Variants in ZNF565 observed in about 807,000 individuals in gnomAD.
The protein encoded by ZNF565 is zinc finger protein 565.
ZNF565 carries 27 observed loss-of-function variants against 39.4 expected under a neutral mutation model. The ratio of observed to expected loss-of-function variants is 0.69; its 90% CI spans 0.51 to 0.95. The LOEUF (loss-of-function observed/expected upper bound fraction) is 0.95, where lower values mean the gene tolerates loss of function less well. Ranked by LOEUF, ZNF565 falls within the 40% of genes least tolerant of loss-of-function variation. The pLI is 0.00. For missense variants in ZNF565, 524 were observed against 621.1 expected (o/e 0.84, Z 1.66); for synonymous variants, 185 against 216.6 (o/e 0.85, Z 1.28).
In ZNF565 at chr19:36,245,417, G is replaced by A. The variant is rs2029889676; in HGVS notation, c.55+59C>T. On this transcript the variant is annotated intron_variant, in intron 1 of 4. Transcript: ENST00000355114. The surrounding 1 kb of genome is among the most constrained non-coding windows in gnomAD (Gnocchi z 4.4). ...ACCCGGAAAGCTCCGCGCTTACGAC[G>A]CCCACCCAGAAAATCCGGATCACAT... 7 of 701,618 alleles carry A rather than the reference G, an allele frequency of 1.0e-5. No homozygotes were observed. In the South Asian group the frequency reaches 1.0e-4, roughly 10 times the overall value. The allele number at this position is 701,618 out of a possible 1,614,324, so 43.5% of individuals were successfully genotyped here.
intron 1 of ZNF565, among the ~76,000 whole-genome samples, chr19:36,231,909 T>TA (rs60263832): frequency 0.26 from 38,200 of 145,782 alleles, 5,157 homozygotes; most frequent in African/African-American, 0.37. Context: ...CTTTTTTATT[T>TA]AAAAAAAAAA....
At chr19:36,233,999 A>G (rs1489388675) in intron 1 of ZNF565, among the ~76,000 whole-genome samples, 5 of 152,152 alleles carry the variant, frequency 3.3e-5, no homozygotes, top group African/African-American at 1.2e-4. Flanking sequence ...ACCTTGGACA[A>G]TACCTGGCTT....
At position 36,245,195 on chromosome 19, in the gene ZNF565, C is replaced by T. The variant is rs1383209848; in HGVS notation, c.55+281G>A. Among the ~76,000 whole-genome samples, 1 of 152,220 alleles carries T rather than the reference C, an allele frequency of 6.6e-6. No individual in the cohort carries two copies. Among genetic ancestry groups the T allele is most frequent in the Non-Finnish European group, 1.5e-5 (1 of 68,044 alleles). The stretch of plus-strand genomic sequence containing the variant: ...GTCGGGGTCTGTTGCTACGGGTCCC[C>T]TGGGCTCCTTTGAATCGCTTTGGCA... On this transcript the variant is annotated intron_variant, in intron 1 of 4. Coordinates refer to the ZNF565 transcript ENST00000355114. The surrounding 1 kb of genome is among the most constrained non-coding windows in gnomAD (Gnocchi z 4.4).
At chr19:36,236,260 C>T in intron 1 of ZNF565, 1 of 693,678 alleles carries the variant, frequency 1.4e-6, no homozygotes, top group Non-Finnish European at 2.2e-6. Context: ...ATTGAATATA[C>T]TGAGTATGAT....
At chr19:36,233,938 A>G in intron 1 of ZNF565, among the ~76,000 whole-genome samples, 1 of 146,776 alleles carries the variant, frequency 6.8e-6, no homozygotes, top group East Asian at 1.9e-4. Context: ...GGGGACGGTC[A>G]GGTCTTTCCC....
At chr19:36,236,463 G>A (rs2070132) in intron 1 of ZNF565, 630,517 of 1,607,328 alleles carry the variant, frequency 0.39, 125,047 homozygotes, top group South Asian at 0.49. Context: ...AGCCAGCAGA[G>A]AATTTACAGT....
At position 36,245,811 on chromosome 19, in the gene ZNF565, C is replaced by G. The variant is rs2029895589; in HGVS notation, c.-281G>C. On this transcript the variant is annotated 5_prime_UTR_variant, in exon 1 of 5. Transcript: ENST00000355114. This position sits in a 1 kb window ranked among gnomAD's most constrained non-coding sequence, Gnocchi z 4.4. ...GGAGGCTACTCTTGAGTCCCGGTTC[C>G]TTCGCCCAGCTGCGGGCCTCGGGCT... 2.5e-6 allele frequency: 1 copy of G among 402,704 alleles called. No homozygotes were observed. Among genetic ancestry groups the G allele is most frequent in the Non-Finnish European group, 4.5e-6 (1 of 224,548 alleles). 24.9% of individuals were successfully genotyped at this position (402,704 alleles called of 1,614,324 possible). A position where few individuals can be genotyped will look rare whatever the true frequency, so the allele number is the denominator to read the frequency against.
At chr19:36,233,834 A>C (rs1462750373) in intron 1 of ZNF565, among the ~76,000 whole-genome samples, 1 of 152,222 alleles carries the variant, frequency 6.6e-6, no homozygotes, top group Non-Finnish European at 1.5e-5. Flanking sequence ...AGGGAAGAGC[A>C]GGAGACAGAT....
intron 1 of ZNF565, among the ~76,000 whole-genome samples, chr19:36,206,941 T>G (rs1976177984): frequency 6.6e-6 from 1 of 152,132 alleles, no homozygotes; most frequent in Admixed American, 6.6e-5. Flanking sequence ...GAGGGTGGTC[T>G]GAGAAGGTGA....
At chr19:36,243,666 C>T (rs1977835001) in intron 1 of ZNF565, among the ~76,000 whole-genome samples, 1 of 151,724 alleles carries the variant, frequency 6.6e-6, no homozygotes, top group Non-Finnish European at 1.5e-5. Context: ...CCAGAGGAGT[C>T]CAAAAGAGGA....
chr19:36,189,721 A>G (rs202144605), intron 4 of ZNF565, among the ~76,000 whole-genome samples: 2 of 152,190 alleles, frequency 1.3e-5, no homozygotes, highest in East Asian at 1.9e-4. Flanking sequence ...CACCAACCAA[A>G]TATTCTGTGA....
intron 4 of ZNF565, among the ~76,000 whole-genome samples, chr19:36,193,700 C>T (rs1329976798): frequency 6.6e-6 from 1 of 152,156 alleles, no homozygotes; most frequent in African/African-American, 2.4e-5. Context: ...CTTGGCCTTC[C>T]AAAGTCCTGG....
At chr19:36,206,803 G>C (rs1366641039) in intron 1 of ZNF565, among the ~76,000 whole-genome samples, 3 of 152,198 alleles carry the variant, frequency 2.0e-5, no homozygotes, top group African/African-American at 7.2e-5. Flanking sequence ...CTGCACTCCA[G>C]CCTGGGCAAC....
chr19:36,211,849 A>G (rs763844909), intron 1 of ZNF565, among the ~76,000 whole-genome samples: 26 of 152,270 alleles, frequency 1.7e-4, no homozygotes, highest in Non-Finnish European at 3.2e-4. Context: ...GATGGAAACA[A>G]ACCCCAAAAC....
intron 4 of ZNF565, among the ~76,000 whole-genome samples, chr19:36,192,093 A>G (rs1045971889): frequency 6.8e-6 from 1 of 148,116 alleles, no homozygotes; most frequent in Non-Finnish European, 1.5e-5. Flanking sequence ...GGTTCAAGCG[A>G]TTCTCCTGTC....
At chr19:36,231,366 C>T (rs55665245) in intron 1 of ZNF565, among the ~76,000 whole-genome samples, 3 of 152,078 alleles carry the variant, frequency 2.0e-5, no homozygotes, top group Non-Finnish European at 2.9e-5. Flanking sequence ...CCCACCACCA[C>T]ACCCGGCTAA....
At chr19:36,229,530 C>CA (rs1487032483) in intron 1 of ZNF565, among the ~76,000 whole-genome samples, 1 of 152,110 alleles carries the variant, frequency 6.6e-6, no homozygotes. Context: ...AAGTTGTGGT[C>CA]ACGTTTACGC....
chr19:36,232,903 T>G (rs1357657136), intron 1 of ZNF565, among the ~76,000 whole-genome samples: 4 of 152,184 alleles, frequency 2.6e-5, no homozygotes, highest in Admixed American at 2.6e-4. Flanking sequence ...TTTTTTCATA[T>G]GAACATTTTT....
intron 1 of ZNF565, chr19:36,228,742 C>T (rs1296054153): frequency 2.0e-5 from 3 of 152,154 alleles, no homozygotes; most frequent in Non-Finnish European, 4.4e-5. Context: ...GTCATTTTCC[C>T]AATAGTTAAT....
Sources: allele counts gnomAD v4.1 joint callset (sites outside exome capture counted in the v4.1 genomes callset), GRCh38; gene constraint gnomAD v4.1.1; non-coding constraint Gnocchi (gnomAD v3.1); transcripts MANE v1.5; gene names NCBI Gene and HGNC (gene_info 2026-07-23, HGNC 2026-07-21).